SRGAP3: variants seen among roughly 807,000 people sequenced by gnomAD.
SRGAP3 encodes the protein SLIT-ROBO Rho GTPase activating protein 3.
Under a neutral mutation model 121.1 loss-of-function variants are expected in SRGAP3, and 39 were observed. The observed-to-expected ratio is 0.32, with a 90% CI of 0.25 to 0.42. The LOEUF (loss-of-function observed/expected upper bound fraction) is 0.42, where lower values mean the gene tolerates loss of function less well. Among genes scored for constraint, SRGAP3 ranks in the 10% least tolerant of loss-of-function variants. SRGAP3 has a pLI of 1.00. For missense variants in SRGAP3, 1,213 were observed against 1,470.6 expected, an observed-to-expected ratio of 0.82 and a Z score of 2.86; for synonymous variants, 601 against 570.0, an observed-to-expected ratio of 1.05 and a Z score of -0.77.
chr3:9,035,534 C>G (rs962895516), intron 11 of SRGAP3: 2 of 183,762 alleles, frequency 1.1e-5, no homozygotes, highest in Non-Finnish European at 2.3e-5. Context: ...AAGTGGGGAG[C>G]AGGGGGGCAG....
At chr3:9,199,209 C>G (rs1191012764) in intron 1 of SRGAP3, among the ~76,000 whole-genome samples, 1 of 152,222 alleles carries the variant, frequency 6.6e-6, no homozygotes, top group Admixed American at 6.5e-5. Context: ...TGGGCTTAAT[C>G]ATCTGCATCA....
chr3:9,135,126 C>T (rs1197625419), intron 1 of SRGAP3, among the ~76,000 whole-genome samples: 34 of 152,220 alleles, frequency 2.2e-4, no homozygotes, highest in Admixed American at 2.1e-3. Context: ...CTCTGTTGCA[C>T]TTGCCACATT....
At chr3:9,321,168 C>T (rs1955432836) in intron 3 of SRGAP3, among the ~76,000 whole-genome samples, 1 of 151,768 alleles carries the variant, frequency 6.6e-6, no homozygotes, top group Admixed American at 6.5e-5. Flanking sequence ...CCCCAGCTAG[C>T]CCTCAGCCAA....
chr3:8,988,712 G>A (rs1358793281), intron 21 of SRGAP3, among the ~76,000 whole-genome samples: 4 of 151,806 alleles, frequency 2.6e-5, no homozygotes, highest in African/African-American at 7.3e-5. Context: ...GACCGTTTAC[G>A]TGGAAGACAA....
At chr3:9,125,191 C>T (rs1560207441) in intron 1 of SRGAP3, among the ~76,000 whole-genome samples, 2 of 152,146 alleles carry the variant, frequency 1.3e-5, no homozygotes. Flanking sequence ...TTCACAGGCC[C>T]CAAGCATTCT....
chr3:9,141,553 G>GTGTGTGTGTGTGTGTGTGTGT (rs1949847755), intron 1 of SRGAP3, among the ~76,000 whole-genome samples: 4 of 138,392 alleles, frequency 2.9e-5, no homozygotes, highest in African/African-American at 1.1e-4. Flanking sequence ...TGACTTCAGG[G>GTGTGTGTGTGTGTGTGTGTGT]GTGTGTGTGT....
At chr3:9,117,761 T>C (rs565446632) in intron 2 of SRGAP3, among the ~76,000 whole-genome samples, 1 of 152,116 alleles carries the variant, frequency 6.6e-6, no homozygotes, top group Non-Finnish European at 1.5e-5. Flanking sequence ...AACCCCAGCA[T>C]TTGTCTAGAA....
chr3:9,088,523 C>A (rs1947596280), intron 3 of SRGAP3, among the ~76,000 whole-genome samples: 1 of 152,174 alleles, frequency 6.6e-6, no homozygotes, highest in Non-Finnish European at 1.5e-5. Flanking sequence ...AGGAGCATCA[C>A]TGGCCTCCAC....
At chr3:9,357,695 T>C (rs2125297564) in intron 1 of SRGAP3, among the ~76,000 whole-genome samples, 1 of 152,230 alleles carries the variant, frequency 6.6e-6, no homozygotes, top group South Asian at 2.1e-4. Context: ...CTTTGCTTTG[T>C]TTTCATTGTA....
chr3:9,100,025 G>A (rs1289975762), intron 3 of SRGAP3, among the ~76,000 whole-genome samples: 3 of 152,242 alleles, frequency 2.0e-5, no homozygotes, highest in African/African-American at 7.2e-5. Flanking sequence ...GTGAGTCCAT[G>A]TGGGGCTGGT....
At chr3:9,141,070 C>T (rs1949828305) in intron 1 of SRGAP3, among the ~76,000 whole-genome samples, 1 of 152,158 alleles carries the variant, frequency 6.6e-6, no homozygotes, top group Non-Finnish European at 1.5e-5. Flanking sequence ...AAATAATAAC[C>T]ATATCGCCTC....
chr3:9,177,597 A>C (rs990906256), intron 1 of SRGAP3, among the ~76,000 whole-genome samples: 1 of 152,154 alleles, frequency 6.6e-6, no homozygotes, highest in African/African-American at 2.4e-5. Flanking sequence ...GAGGAGCTCC[A>C]CTGTCAGGGG....
intron 3 of SRGAP3, among the ~76,000 whole-genome samples, chr3:9,302,719 G>C (rs546859030): frequency 6.6e-6 from 1 of 152,290 alleles, no homozygotes; most frequent in South Asian, 2.1e-4. Flanking sequence ...CGTCTGCCGC[G>C]GGGTGGGTCT....
intron 2 of SRGAP3, among the ~76,000 whole-genome samples, chr3:9,110,341 TAA>T (rs1284703841): frequency 2.0e-5 from 3 of 152,044 alleles, no homozygotes; most frequent in African/African-American, 7.2e-5. Flanking sequence ...ACGACGAGTC[TAA>T]AAGGCTGTGG....
intron 12 of SRGAP3, among the ~76,000 whole-genome samples, chr3:9,027,416 T>A (rs1189533270): frequency 1.3e-5 from 2 of 152,082 alleles, no homozygotes. Context: ...ATTACTGCAG[T>A]ACCTGATGTC....
chr3:9,321,536 G>T (rs1325752903), intron 3 of SRGAP3, among the ~76,000 whole-genome samples: 3 of 151,932 alleles, frequency 2.0e-5, no homozygotes, highest in Non-Finnish European at 4.4e-5. Flanking sequence ...AATGATGTCT[G>T]CCATGAGCAT....
intron 2 of SRGAP3, among the ~76,000 whole-genome samples, chr3:9,123,732 A>ATATGTGTGTGTGTGTGTGTGTG: frequency 7.2e-6 from 1 of 139,118 alleles, no homozygotes; most frequent in South Asian, 2.3e-4. Flanking sequence ...ATATGTATAT[A>ATATGTGTGTGTGTGTGTGTGTG]TGTGTGTGTG....
chr3:9,169,891 T>C (rs1950915898), intron 1 of SRGAP3, among the ~76,000 whole-genome samples: 1 of 152,184 alleles, frequency 6.6e-6, no homozygotes, highest in African/African-American at 2.4e-5. Flanking sequence ...TGCCCCACTT[T>C]CTAGGCAAGT....
chr3:9,131,672 C>T (rs1949453404), intron 1 of SRGAP3, among the ~76,000 whole-genome samples: 1 of 151,978 alleles, frequency 6.6e-6, no homozygotes, highest in Admixed American at 6.6e-5. Context: ...GAACCCCTGA[C>T]CTCAAGTAAT....
Sources: gnomAD v4.1 joint callset for allele counts (sites outside exome capture counted in the v4.1 genomes callset) on GRCh38, gnomAD v4.1.1 for gene constraint, MANE v1.5 for transcripts, NCBI Gene and HGNC (gene_info 2026-07-23, HGNC 2026-07-21) for gene names.